Variants in ABTB3 observed in about 807,000 individuals in gnomAD.
The protein encoded by ABTB3 is ankyrin repeat- and BTB/POZ domain-containing protein 3.
At chr12:107,382,859 T>C in the ABTB3 span, among the ~76,000 whole-genome samples, 5 of 152,200 alleles carry the variant, frequency 3.3e-5, no homozygotes, top group South Asian at 8.3e-4. Flanking sequence ...TGTATACCTA[T>C]GTAACAAACC....
At chr12:107,501,723 C>G in the ABTB3 span, among the ~76,000 whole-genome samples, 1 of 151,804 alleles carries the variant, frequency 6.6e-6, no homozygotes, top group Non-Finnish European at 1.5e-5. Flanking sequence ...AGAAAGACAG[C>G]CTGTTCAAGT....
chr12:107,595,230 G>A, the ABTB3 span, among the ~76,000 whole-genome samples: 5 of 152,328 alleles, frequency 3.3e-5, no homozygotes, highest in African/African-American at 9.6e-5. Flanking sequence ...AAGGTAAGGC[G>A]TTGGGCTGTG....
At chr12:107,571,726 C>T in the ABTB3 span, among the ~76,000 whole-genome samples, 2 of 152,244 alleles carry the variant, frequency 1.3e-5, no homozygotes, top group Non-Finnish European at 2.9e-5. Context: ...CATCATCATC[C>T]AACCCCATTT....
At chr12:107,382,385 A>G in the ABTB3 span, among the ~76,000 whole-genome samples, 19 of 152,118 alleles carry the variant, frequency 1.2e-4, no homozygotes, top group Non-Finnish European at 2.5e-4. Flanking sequence ...GTGTGGTGGG[A>G]TTTGGCTCCT....
chr12:107,558,465 T>A, the ABTB3 span, among the ~76,000 whole-genome samples: 1 of 152,168 alleles, frequency 6.6e-6, no homozygotes, highest in African/African-American at 2.4e-5. Flanking sequence ...AATATCATCC[T>A]GAGTTGAGAG....
At chr12:107,630,214 C>T in the ABTB3 span, among the ~76,000 whole-genome samples, 2 of 152,186 alleles carry the variant, frequency 1.3e-5, no homozygotes, top group African/African-American at 4.8e-5. Flanking sequence ...CACCCTAATC[C>T]TCTGCACAAT....
chr12:107,648,380 C>CCACACACACACACACACA, the ABTB3 span, among the ~76,000 whole-genome samples: 3,108 of 140,072 alleles, frequency 0.022, 59 homozygotes, highest in East Asian at 0.039. Context: ...GACCCCATCT[C>CCACACACACACACACACA]CACACACACA....
At chr12:107,642,677 C>T in the ABTB3 span, among the ~76,000 whole-genome samples, 1 of 152,070 alleles carries the variant, frequency 6.6e-6, no homozygotes, top group Admixed American at 6.5e-5. Context: ...TGCGAAGTCC[C>T]AAAACTTTGG....
chr12:107,536,454 C>T, the ABTB3 span, among the ~76,000 whole-genome samples: 1 of 151,974 alleles, frequency 6.6e-6, no homozygotes, highest in Non-Finnish European at 1.5e-5. Context: ...GAAGAGACAG[C>T]CTATGGAGTG....
chr12:107,528,961 A>T, the ABTB3 span, among the ~76,000 whole-genome samples: 1 of 150,686 alleles, frequency 6.6e-6, no homozygotes, highest in South Asian at 2.1e-4. Flanking sequence ...AGTGATGGTG[A>T]TGGTGACAGA....
the ABTB3 span, among the ~76,000 whole-genome samples, chr12:107,363,184 C>G: frequency 6.6e-6 from 1 of 152,244 alleles, no homozygotes; most frequent in African/African-American, 2.4e-5. Context: ...TTCTGCCCAG[C>G]CTTGTTCCCA....
At chr12:107,648,504 C>T in the ABTB3 span, among the ~76,000 whole-genome samples, 1 of 152,066 alleles carries the variant, frequency 6.6e-6, no homozygotes, top group African/African-American at 2.4e-5. Flanking sequence ...AAGTCAGATA[C>T]ATCCACGGGC....
the ABTB3 span, among the ~76,000 whole-genome samples, chr12:107,467,486 T>G: frequency 4.4e-3 from 666 of 152,216 alleles, 6 homozygotes; most frequent in Middle Eastern, 0.051. Context: ...CCAGAGCACT[T>G]GATAATTGTT....
the ABTB3 span, among the ~76,000 whole-genome samples, chr12:107,579,181 G>A: frequency 6.6e-6 from 1 of 152,214 alleles, no homozygotes; most frequent in African/African-American, 2.4e-5. Flanking sequence ...TTTTTAAAGG[G>A]CTTGAAGCCT....
chr12:107,360,533 A>C, the ABTB3 span, among the ~76,000 whole-genome samples: 3 of 152,166 alleles, frequency 2.0e-5, no homozygotes, highest in East Asian at 5.8e-4. Flanking sequence ...CCAGCCAGCA[A>C]TGACTGTCCC....
chr12:107,417,746 C>T, the ABTB3 span, among the ~76,000 whole-genome samples: 3 of 152,340 alleles, frequency 2.0e-5, no homozygotes, highest in East Asian at 3.9e-4. Context: ...ACATTGTGCT[C>T]GGCTCACACT....
At chr12:107,450,106 A>G in the ABTB3 span, among the ~76,000 whole-genome samples, 1 of 151,408 alleles carries the variant, frequency 6.6e-6, no homozygotes, top group African/African-American at 2.4e-5. Context: ...TGAGTAATGA[A>G]CAGCTCACAG....
the ABTB3 span, among the ~76,000 whole-genome samples, chr12:107,408,755 C>A: frequency 6.6e-6 from 1 of 152,194 alleles, no homozygotes; most frequent in Non-Finnish European, 1.5e-5. Context: ...CAGAGTCAGG[C>A]AGTCTGGGGT....
the ABTB3 span, among the ~76,000 whole-genome samples, chr12:107,330,115 C>T: frequency 6.6e-6 from 1 of 152,014 alleles, no homozygotes; most frequent in Non-Finnish European, 1.5e-5. Flanking sequence ...GTGCAAAGGG[C>T]CTGTGGCAGG....
Sources: gnomAD v4.1 joint callset for allele counts (sites outside exome capture counted in the v4.1 genomes callset) on GRCh38, gnomAD v4.1.1 for gene constraint, MANE v1.5 for transcripts, NCBI Gene and HGNC (gene_info 2026-07-23, HGNC 2026-07-21) for gene names.